The following GRM8 variants were observed in gnomAD, a reference collection of about 807,000 sequenced individuals.
The protein encoded by GRM8 is glutamate metabotropic receptor 8.
In GRM8, 47 loss-of-function variants were observed where a neutral mutation model predicts 87.2. That is an observed-to-expected ratio of 0.54 (90% CI 0.43 to 0.69). The LOEUF (loss-of-function observed/expected upper bound fraction) is 0.69, where lower values mean the gene tolerates loss of function less well. GRM8 is among the 30% of genes least tolerant of loss of function. The probability of loss-of-function intolerance (pLI) is 0.00; values close to 1 mark genes in which losing one functional copy is unlikely to be tolerated. For synonymous variants in GRM8, 396 were observed against 404.5 expected (o/e 0.98, Z 0.25); for missense variants, 1,019 against 1,139.2 (o/e 0.89, Z 1.52).
At chr7:127,153,987 C>A (rs762865119) in intron 2 of GRM8, among the ~76,000 whole-genome samples, 1 of 152,022 alleles carries the variant, frequency 6.6e-6, no homozygotes. Context: ...GTGAGGAGCA[C>A]GGGTGGTGAG....
chr7:126,478,307 A>G (rs980353774), intron 9 of GRM8, among the ~76,000 whole-genome samples: 1 of 152,146 alleles, frequency 6.6e-6, no homozygotes, highest in Non-Finnish European at 1.5e-5. Flanking sequence ...GATTTTAAGT[A>G]TGTATGCATA....
At chr7:127,078,497 G>T (rs575354863) in intron 3 of GRM8, among the ~76,000 whole-genome samples, 52 of 152,334 alleles carry the variant, frequency 3.4e-4, no homozygotes, top group African/African-American at 1.1e-3. Flanking sequence ...ATAGCTGAGG[G>T]CAATCATAAC....
At chr7:126,863,458 C>G (rs1270047525) in intron 6 of GRM8, among the ~76,000 whole-genome samples, 2 of 152,078 alleles carry the variant, frequency 1.3e-5, no homozygotes, top group African/African-American at 4.8e-5. Flanking sequence ...CTATGATGAT[C>G]AGTAATTTAC....
intron 6 of GRM8, among the ~76,000 whole-genome samples, chr7:126,852,809 T>C (rs929435690): frequency 4.6e-5 from 7 of 152,118 alleles, no homozygotes; most frequent in Non-Finnish European, 1.0e-4. Flanking sequence ...TGTATATTTA[T>C]TTTCATATAT....
chr7:127,043,284 T>G (rs1254099381), intron 3 of GRM8, among the ~76,000 whole-genome samples: 3 of 152,246 alleles, frequency 2.0e-5, no homozygotes, highest in South Asian at 2.1e-4. Flanking sequence ...CAAAGGATTA[T>G]AAATCATGCT....
At chr7:126,796,429 T>C (rs1162229124) in intron 6 of GRM8, among the ~76,000 whole-genome samples, 1 of 152,118 alleles carries the variant, frequency 6.6e-6, no homozygotes. Flanking sequence ...ATGTGGTGTT[T>C]ACCAAAGAGG....
chr7:126,873,614 G>A (rs570874668), intron 6 of GRM8, among the ~76,000 whole-genome samples: 1 of 152,228 alleles, frequency 6.6e-6, no homozygotes, highest in South Asian at 2.1e-4. Context: ...ATGAGCACAT[G>A]TAGAGGAGAA....
At chr7:126,563,260 T>A (rs181836211) in intron 8 of GRM8, among the ~76,000 whole-genome samples, 6 of 151,702 alleles carry the variant, frequency 4.0e-5, no homozygotes, top group Non-Finnish European at 5.9e-5. Context: ...TTCTCTTTTA[T>A]AATATCAAAA....
intron 8 of GRM8, among the ~76,000 whole-genome samples, chr7:126,567,192 A>G (rs1794291087): frequency 6.6e-6 from 1 of 152,158 alleles, no homozygotes; most frequent in African/African-American, 2.4e-5. Context: ...ATAGTCAACA[A>G]TAATGTATTG....
At chr7:126,635,193 C>T (rs1465764806) in intron 7 of GRM8, among the ~76,000 whole-genome samples, 1 of 152,006 alleles carries the variant, frequency 6.6e-6, no homozygotes, top group Non-Finnish European at 1.5e-5. Flanking sequence ...CTAATTAATT[C>T]AAAAAGCTAA....
intron 3 of GRM8, among the ~76,000 whole-genome samples, chr7:127,057,433 A>G (rs913212804): frequency 2.9e-4 from 44 of 152,162 alleles, no homozygotes; most frequent in Admixed American, 6.5e-5. Flanking sequence ...TGCATACATC[A>G]TATAGTTTGT....
chr7:126,555,165 A>G (rs1793004300), intron 8 of GRM8, among the ~76,000 whole-genome samples: 1 of 152,256 alleles, frequency 6.6e-6, no homozygotes, highest in Non-Finnish European at 1.5e-5. Flanking sequence ...TTTTTGATAG[A>G]TTCATAGAAA....
intron 3 of GRM8, among the ~76,000 whole-genome samples, chr7:127,086,809 A>T (rs771043822): frequency 6.6e-6 from 1 of 152,210 alleles, no homozygotes; most frequent in Non-Finnish European, 1.5e-5. Flanking sequence ...TAGCATAAAT[A>T]AAAGAAACCA....
chr7:127,104,937 T>C (rs1055425297), intron 3 of GRM8, among the ~76,000 whole-genome samples: 7 of 152,242 alleles, frequency 4.6e-5, no homozygotes, highest in Non-Finnish European at 7.3e-5. Context: ...TGTCCTGTTT[T>C]GAATTTTTTA....
At chr7:126,511,878 T>A (rs1811426283) in intron 9 of GRM8, 2 of 151,888 alleles carry the variant, frequency 1.3e-5, no homozygotes, top group Non-Finnish European at 1.5e-5. Flanking sequence ...AAAAGTAAAA[T>A]AAATTAGTTG....
rs370796226 is a variant in GRM8, at chr7:126,976,149, T to C, written c.728-71466A>G. Among the ~76,000 whole-genome samples, 7 of 152,210 alleles carry C rather than the reference T, an allele frequency of 4.6e-5. No individual in the cohort carries two copies. The East Asian group carries it at 7.7e-4, about 17-fold the overall frequency. ...CATAAACTATCAATGAAATCTATACTTCAAAAAATATATTTTCAAACCTTA... is the reference window on the plus strand; with the variant it reads ...CATAAACTATCAATGAAATCTATACCTCAAAAAATATATTTTCAAACCTTA... On this transcript the variant is annotated intron_variant, in intron 3 of 10. Coordinates refer to ENST00000339582, the MANE Select transcript of GRM8 (RefSeq NM_000845.3).
At chr7:126,889,877 T>C (rs34682508) in intron 6 of GRM8, among the ~76,000 whole-genome samples, 22,363 of 152,090 alleles carry the variant, frequency 0.15, 1,864 homozygotes, top group Non-Finnish European at 0.2. Context: ...TCATTTCCAC[T>C]TATATTTAAT....
intron 7 of GRM8, among the ~76,000 whole-genome samples, chr7:126,760,448 T>G (rs916422525): frequency 7.9e-5 from 12 of 152,182 alleles, no homozygotes; most frequent in Non-Finnish European, 1.5e-4. Context: ...CCCCACAGTT[T>G]AACACCTCAC....
intron 9 of GRM8, among the ~76,000 whole-genome samples, chr7:126,478,247 T>A (rs1021553870): frequency 6.6e-6 from 1 of 152,186 alleles, no homozygotes; most frequent in Non-Finnish European, 1.5e-5. Context: ...CTAAATTAAT[T>A]TTCTTTTCTT....
Sources: allele counts gnomAD v4.1 joint callset (sites outside exome capture counted in the v4.1 genomes callset), GRCh38; gene constraint gnomAD v4.1.1; transcripts MANE v1.5; gene names NCBI Gene and HGNC (gene_info 2026-07-23, HGNC 2026-07-21).